The following RPRD2 variants were observed in gnomAD, a reference collection of about 807,000 sequenced individuals.
The protein encoded by RPRD2 is regulation of nuclear pre-mRNA domain containing 2, also known as regulation of nuclear pre-mRNA domain-containing protein 2.
A neutral mutation model predicts 104.4 loss-of-function variants in RPRD2; 12 were observed. That is an observed-to-expected ratio of 0.11 (90% confidence interval 0.07 to 0.19). RPRD2 has a LOEUF of 0.19. Ranked by LOEUF, RPRD2 falls within the 10% of genes least tolerant of loss-of-function variation. RPRD2 has a pLI of 1.00. For synonymous variants in RPRD2, 714 were observed against 684.9 expected (o/e 1.04, Z -0.66); for missense variants, 1,543 against 1,790.1 (o/e 0.86, Z 2.49).
Position 150,444,255 on chromosome 1 carries a change from A to G in RPRD2, c.572A>G (p.Gln191Arg), listed in dbSNP as rs1666608479. The G allele has an allele frequency of 6.2e-7, 1 of 1,612,806 alleles. No homozygotes were observed. The highest frequency in any genetic ancestry group is 1.7e-5 in the Admixed American group (1 of 59,820). The change falls in exon 6 of 11, where the codon CAG (glutamine) becomes CGG (arginine). Residue 191 changes from glutamine (Q) to arginine (R), a missense_variant. Gln to Arg is a conservative substitution (Grantham distance 43). Around this residue, in one of 4 missense-constraint regions of RPRD2, gnomAD observed 572 missense variants for 787.3 expected, o/e 0.73. Coordinates refer to ENST00000369068, the MANE Select transcript of RPRD2 (RefSeq NM_015203.5). ...KSKIVAEFRS[Q>R]ALIEELLLYK... ...ATGACTCTGGTCTGTGTTTAGTCTC[A>G]GGCCCTAATTGAAGAGCTGTTGCTA...
rs1553899566 is a variant in RPRD2, at chr1:150,464,737, A to G, written c.1612+10A>G. The stretch of plus-strand genomic sequence containing the variant: ...GCCCCTGCACTGCAAGGTAACTGAC[A>G]TATGCCAGAGGGACTCGAATTGTGA... On this transcript the variant is annotated intron_variant, in intron 10 of 10. Transcript: ENST00000369068. The G allele has an allele frequency of 6.2e-7, 1 of 1,604,096 alleles. No individual in the cohort carries two copies. Among genetic ancestry groups the G allele is most frequent in the Non-Finnish European group, 8.5e-7 (1 of 1,173,360 alleles).
intron 2 of RPRD2, among the ~76,000 whole-genome samples, chr1:150,434,631 C>T (rs1029938766): frequency 9.9e-5 from 15 of 152,012 alleles, no homozygotes; most frequent in South Asian, 2.1e-4. Context: ...GCCTGGACAA[C>T]GTGGTGAAAC....
chr1:150,402,080 T>C (rs1663077592), intron 1 of RPRD2, among the ~76,000 whole-genome samples: 1 of 151,848 alleles, frequency 6.6e-6, no homozygotes, highest in Non-Finnish European at 1.5e-5. Context: ...TGCCTCAGCC[T>C]CCCGAGTGGC....
chr1:150,405,787 A>G (rs2102236055), intron 1 of RPRD2, among the ~76,000 whole-genome samples: 1 of 152,274 alleles, frequency 6.6e-6, no homozygotes, highest in East Asian at 1.9e-4. Context: ...ATCTCATGCC[A>G]TCTTGCCTGG....
intron 1 of RPRD2, among the ~76,000 whole-genome samples, chr1:150,414,405 A>C (rs1664185754): frequency 6.6e-6 from 1 of 152,234 alleles, no homozygotes; most frequent in Non-Finnish European, 1.5e-5. Context: ...TGACAGAGCC[A>C]GAAATGGAAA....
At chr1:150,397,800 G>GT (rs1662644060) in intron 1 of RPRD2, among the ~76,000 whole-genome samples, 1 of 152,096 alleles carries the variant, frequency 6.6e-6, no homozygotes, top group Non-Finnish European at 1.5e-5. Flanking sequence ...AGGCTGGAGT[G>GT]TAGTGGCGCC....
chr1:150,446,369 G>A lies in RPRD2; in HGVS notation c.838G>A (p.Ala280Thr), dbSNP rs1553895496. The A allele has an allele frequency of 6.2e-7, 1 of 1,605,962 alleles. No homozygotes were observed. Among genetic ancestry groups the A allele is most frequent in the Non-Finnish European group, 8.5e-7 (1 of 1,178,266 alleles). ...GGAAAATGCTGGAATTTTCTATGAA[G>A]CACAATACAAAGAAGTAAAAGTGGT... ...ALENAGIFYE[A>T]QYKEVKVVAN... The change falls in exon 7 of 11, where the codon GCA becomes ACA. Residue 280 changes from alanine (A) to threonine (T), a missense_variant. This residue lies in a region of RPRD2 where 572 missense variants were observed against 787.3 expected (regional missense o/e 0.73). Transcript: ENST00000369068.
intron 10 of RPRD2, among the ~76,000 whole-genome samples, chr1:150,466,729 T>G (rs1668307140): frequency 6.6e-6 from 1 of 152,160 alleles, no homozygotes; most frequent in African/African-American, 2.4e-5. Flanking sequence ...CTAATTATGT[T>G]TTGTGCATGA....
Position 150,441,021 on chromosome 1 carries a change from T to C in RPRD2, c.434T>C (p.Leu145Ser). ...ATGATTGTGGCATTGAGAGAAGCTT[T>C]GAGTAAGTGTCTTTTTCTCTCCTAA... Reference protein sequence around the residue: ...EEMIVALREALSTTFKTQKQL... With the variant: ...EEMIVALREASSTTFKTQKQL... Residue 145 changes from leucine to serine, a missense_variant and splice_region_variant, in exon 3 of 11, where the codon TTG (leucine) becomes TCG (serine). Physicochemically the swap from Leu to Ser is moderately radical, Grantham distance 145 (BLOSUM62 -2). Around this residue, in one of 4 missense-constraint regions of RPRD2, gnomAD observed 572 missense variants for 787.3 expected, o/e 0.73. Transcript: ENST00000369068. The C allele has an allele frequency of 1.3e-6, 2 of 1,508,606 alleles. No individual in the cohort carries two copies. Among genetic ancestry groups the C allele is most frequent in the Non-Finnish European group, 1.8e-6 (2 of 1,109,948 alleles). The allele number at this position is 1,508,606 out of a possible 1,614,324, so 93.5% of individuals were successfully genotyped here. A position where few individuals can be genotyped will look rare whatever the true frequency, so the allele number is the denominator to read the frequency against.
intron 10 of RPRD2, among the ~76,000 whole-genome samples, chr1:150,468,344 T>A (rs1668407631): frequency 7.0e-6 from 1 of 142,444 alleles, no homozygotes; most frequent in East Asian, 1.9e-4. Flanking sequence ...TAAGAATTTT[T>A]AAAAATAATT....
At chr1:150,423,404 C>T (rs1372845135) in intron 2 of RPRD2, among the ~76,000 whole-genome samples, 1 of 152,112 alleles carries the variant, frequency 6.6e-6, no homozygotes, top group Non-Finnish European at 1.5e-5. Flanking sequence ...TAGTGCTTTC[C>T]AAAATCCTGT....
intron 4 of RPRD2, among the ~76,000 whole-genome samples, chr1:150,442,863 G>T (rs143562437): frequency 6.6e-6 from 1 of 152,040 alleles, no homozygotes; most frequent in African/African-American, 2.4e-5. Context: ...CCAGTGCTCA[G>T]GATTAATTGG....
At chr1:150,369,070 C>T (rs1437408702) in intron 1 of RPRD2, among the ~76,000 whole-genome samples, 1 of 152,092 alleles carries the variant, frequency 6.6e-6, no homozygotes, top group South Asian at 2.1e-4. Flanking sequence ...ATAGTGCTGG[C>T]GTACAGTTAG....
rs1474376777 is a variant in RPRD2 at position 150,472,948 on chromosome 1, G to C, written c.4000G>C (p.Gly1334Arg). 2 of 1,613,632 alleles carry C rather than the reference G, an allele frequency of 1.2e-6. No individual in the cohort carries two copies. Among genetic ancestry groups the C allele is most frequent in the Non-Finnish European group, 1.7e-6 (2 of 1,179,778 alleles). ...FPKDHSSLLQ[G>R]TLAEHFGVLP... is the part of the protein sequence containing the mutation. The stretch of plus-strand genomic sequence containing the variant: ...CAAGGACCATAGTTCCCTCCTTCAA[G>C]GGACCCTGGCTGAGCATTTTGGGGT... Residue 1334 changes from glycine to arginine, a missense_variant, in exon 11 of 11, where the codon GGG becomes CGG. This residue lies in a region of RPRD2 where 880 missense variants were observed against 885.6 expected (regional missense o/e 0.99). Coordinates refer to ENST00000369068, the MANE Select transcript of RPRD2 (RefSeq NM_015203.5).
At chr1:150,384,447 CATCATTATTATTATTATTATTA>C (rs1661391396) in intron 1 of RPRD2, among the ~76,000 whole-genome samples, 2 of 97,852 alleles carry the variant, frequency 2.0e-5, no homozygotes, top group African/African-American at 6.9e-5. Flanking sequence ...AAGGCATCAT[CATCATTATTATTATTATTATTA>C]TTATTATTAT....
At chr1:150,413,439 A>T (rs1664090792) in intron 1 of RPRD2, among the ~76,000 whole-genome samples, 1 of 151,778 alleles carries the variant, frequency 6.6e-6, no homozygotes, top group Non-Finnish European at 1.5e-5. Flanking sequence ...CATCTCTACT[A>T]AAAATACAAA....
intron 7 of RPRD2, among the ~76,000 whole-genome samples, chr1:150,450,489 CCCACTACT>C (rs1667081414): frequency 6.7e-6 from 1 of 150,334 alleles, no homozygotes; most frequent in South Asian, 2.1e-4. Context: ...AGCCTGTAGT[CCCACTACT>C]CCGCAGGCTG....
rs116797888 is a variant in RPRD2 at position 150,403,398 on chromosome 1, C to T, written c.206-14198C>T. 8.5e-3 allele frequency among the ~76,000 whole-genome samples: 1,288 copies of T among 152,204 alleles called. 17 individuals carry two copies. Among genetic ancestry groups the T allele is most frequent in the African/African-American group, 0.029 (1,211 of 41,518 alleles). ...ACTTCGTCTCACTTTCCAGACTGAA[C>T]GCATATACCCATTAAACAATAACTC... On this transcript the variant is annotated intron_variant, in intron 1 of 10. Transcript: ENST00000369068.
At position 150,473,434 on chromosome 1, in the gene RPRD2, T is replaced by A. The variant is rs748861465; in HGVS notation, c.*100T>A. On this transcript the variant is annotated 3_prime_UTR_variant, in exon 11 of 11. Coordinates refer to ENST00000369068, the MANE Select transcript of RPRD2 (RefSeq NM_015203.5). ...TTTATTTGTTTTCTCTTTCTCGATT[T>A]TTTTTTTATTATAACAAAGGGCCTC... 2 of 1,240,562 alleles carry A rather than the reference T, an allele frequency of 1.6e-6. No individual in the cohort carries two copies. Among genetic ancestry groups the A allele is most frequent in the Non-Finnish European group, 2.2e-6 (2 of 907,344 alleles). The allele number at this position is 1,240,562 out of a possible 1,614,324, so 76.8% of individuals were successfully genotyped here.
Sources: gnomAD v4.1 joint callset for allele counts (sites outside exome capture counted in the v4.1 genomes callset) on GRCh38, gnomAD v4.1.1 for gene constraint, gnomAD v4.1.1 regional missense constraint, MANE v1.5 for transcripts, NCBI Gene and HGNC (gene_info 2026-07-23, HGNC 2026-07-21) for gene names.